The following KRT34 variants were observed in gnomAD, a reference collection of about 807,000 sequenced individuals.
KRT34 encodes keratin 34.
In KRT34, 31 loss-of-function variants were observed where a neutral mutation model predicts 41.7. The observed-to-expected ratio is 0.74, with a 90% CI of 0.56 to 1.00. The LOEUF is 1.00. KRT34 is among the 50% of genes least tolerant of loss of function. KRT34 has a pLI of 0.00. For missense variants in KRT34, 523 were observed against 500.3 expected, an observed-to-expected ratio of 1.05 and a Z score of -0.43; for synonymous variants, 224 against 212.9, an observed-to-expected ratio of 1.05 and a Z score of -0.45.
Position 41,381,143 on chromosome 17 carries a change from A to G in KRT34, c.501T>C (p.Asp167=), listed in dbSNP as rs7224292. The change falls in exon 3 of 7, where the codon GAT becomes GAC. Residue 167 remains aspartate, a synonymous_variant. Transcript: ENST00000394001. ...SDINSIRRIL[D]ELTLCKSDLE... is the part of the protein sequence containing the mutation. ...GGTCAGACTTGCAGAGGGTCAGCTC[A>G]TCCAGGATCCTGCGTATGCTGTTGA... 907 of 1,614,094 alleles carry G rather than the reference A, an allele frequency of 5.6e-4. 3 individuals are homozygous for G. In the African/African-American group the frequency reaches 0.011, roughly 20 times the overall value.
Position 41,381,195 on chromosome 17 carries a change from G to T in KRT34, c.449C>A (p.Ser150Tyr). 1 of 1,614,178 alleles carries T rather than the reference G, an allele frequency of 6.2e-7. No individual in the cohort carries two copies. The highest frequency in any genetic ancestry group is 1.3e-5 in the African/African-American group (1 of 75,044). The change falls in exon 3 of 7, where the codon TCC becomes TAC. Residue 150 changes from serine to tyrosine, a missense_variant. By Grantham distance (144) the Ser-to-Tyr change is moderately radical. Transcript: ENST00000394001. ...GTCCGACTCCACCAACAGCCTCAGG[G>T]ACTGCTCCGTCTGGTACCTGCACGT... ...DFRSKYQTEQ[S>Y]LRLLVESDIN...
upstream of KRT34, among the ~76,000 whole-genome samples, chr17:41,383,263 C>T (rs112752085): frequency 6.6e-6 from 1 of 152,126 alleles, no homozygotes; most frequent in Admixed American, 6.5e-5. Context: ...GTGATCCGCC[C>T]GCCTCGGCCT....
At chr17:41,381,397 GAGGAGCCCAC>G (rs2017982136) in intron 2 of KRT34, among the ~76,000 whole-genome samples, 185 bp from the exon 3 acceptor site, 2 of 152,134 alleles carry the variant, frequency 1.3e-5, no homozygotes, top group African/African-American at 4.8e-5. Context: ...CTAACACCAC[GAGGAGCCCAC>G]AGGCACACAT....
Position 41,379,056 on chromosome 17 carries a change from C to T in KRT34, c.997G>A (p.Glu333Lys), listed in dbSNP as rs546536544. 3 of 1,614,256 alleles carry T rather than the reference C, an allele frequency of 1.9e-6. No homozygotes were observed. The highest frequency in any genetic ancestry group is 4.5e-5 in the East Asian group (2 of 44,886). ...ACCTGGTACTCCTGGTTCTGCCGCT[C>T]CAGGTCACAGCGGATCTCTGCCAGC... ...SQLAEIRCDL[E>K]RQNQEYQVLL... Residue 333 changes from glutamate to lysine, a missense_variant, in exon 6 of 7, where the codon GAG becomes AAG. Glu to Lys is a moderately conservative substitution (Grantham distance 56). Coordinates refer to ENST00000394001, the MANE Select transcript of KRT34 (RefSeq NM_001386014.1).
rs1459259862 is a variant in KRT34 at position 41,377,990 on chromosome 17, G to C, written c.*69C>G. On this transcript the variant is annotated 3_prime_UTR_variant, in exon 7 of 7. Coordinates refer to ENST00000394001, the MANE Select transcript of KRT34 (RefSeq NM_001386014.1). ...GTCAGCTGAGCTCCAGAAAAGTCAGGACTTGAGGATCCTTCCTGTGGTTGA... is the reference window on the plus strand; with the variant it reads ...GTCAGCTGAGCTCCAGAAAAGTCAGCACTTGAGGATCCTTCCTGTGGTTGA... 1 of 1,166,456 alleles carries C rather than the reference G, an allele frequency of 8.6e-7. No individual in the cohort carries two copies. The highest frequency in any genetic ancestry group is 1.5e-5 in the African/African-American group (1 of 67,314). The allele number at this position is 1,166,456 out of a possible 1,614,324, so 72.3% of individuals were successfully genotyped here.
chr17:41,377,790 A>G lies in KRT34; in HGVS notation c.*269T>C. 1 of 444,128 alleles carries G rather than the reference A, an allele frequency of 2.3e-6. No homozygotes were observed. The highest frequency in any genetic ancestry group is 1.9e-5 in the African/African-American group (1 of 52,398). The allele number at this position is 444,128 out of a possible 1,614,324, so 27.5% of individuals were successfully genotyped here. ...AGTACGTTCAGGAAACACCTTAAGT[A>G]GTAACTGGAGCTCAGATTACAGGGA... On this transcript the variant is annotated 3_prime_UTR_variant, in exon 7 of 7. Transcript: ENST00000394001.
intron 6 of KRT34, among the ~76,000 whole-genome samples, chr17:41,378,438 C>T (rs1379450553): frequency 6.6e-6 from 1 of 152,184 alleles, no homozygotes; most frequent in Non-Finnish European, 1.5e-5. Flanking sequence ...CACAGGCATG[C>T]GTCACCATGC....
chr17:41,382,365 T>C (rs755912939), upstream of KRT34: 5 of 1,609,846 alleles, frequency 3.1e-6, no homozygotes, highest in East Asian at 1.1e-4. Context: ...GGGCTTGGCA[T>C]ACAGCATAGT....
Position 41,379,592 on chromosome 17 carries a change from A to C in KRT34, c.728T>G (p.Val243Gly), listed in dbSNP as rs755052687. 2 of 1,614,008 alleles carry C rather than the reference A, an allele frequency of 1.2e-6. No individual in the cohort carries two copies. Among genetic ancestry groups the C allele is most frequent in the Non-Finnish European group, 1.7e-6 (2 of 1,179,948 alleles). Residue 243 changes from valine to glycine, a missense_variant, in exon 4 of 7, where the codon GTG (valine) becomes GGG (glycine). By Grantham distance (109) the Val-to-Gly change is moderately radical. Coordinates refer to ENST00000394001, the MANE Select transcript of KRT34 (RefSeq NM_001386014.1). Reference sequence around the variant, plus strand: ...CACCTGCGTGGCGAACCATTGCTCCACTTCCCTGCGGTTAATTTCCACCAG... The same window carrying C: ...CACCTGCGTGGCGAACCATTGCTCCCCTTCCCTGCGGTTAATTTCCACCAG... ...EALVEINRRE[V>G]EQWFATQTEE...
intron 3 of KRT34, 143 bp from the exon 4 acceptor site, chr17:41,379,874 C>G (rs1427481454): frequency 1.1e-6 from 1 of 869,704 alleles, no homozygotes; most frequent in Non-Finnish European, 1.7e-6. Flanking sequence ...CATTTTATAG[C>G]AATAAACTCC....
At chr17:41,382,349 G>A, upstream of KRT34, 1 of 1,612,294 alleles carries the variant, frequency 6.2e-7, no homozygotes, top group Non-Finnish European at 8.5e-7. Context: ...CATTAATTGT[G>A]GGTGGGGGCT....
In KRT34 at chr17:41,381,731, G is replaced by T. The variant is rs758293346; in HGVS notation, c.413C>A (p.Ser138Tyr). The change falls in exon 2 of 7, where the codon TCT becomes TAT. Residue 138 changes from serine (S) to tyrosine (Y), a missense_variant. Transcript: ENST00000394001. ...VVNIDNAKLASDDFRSKYQTE... is the reference protein window; with the variant it reads ...VVNIDNAKLAYDDFRSKYQTE... ...AACATACTTGCTTCTGAAGTCGTCA[G>T]AGGCCAGCTTGGCATTGTCAATGTT... is the stretch of plus-strand genomic sequence containing the variant. 3 of 1,614,218 alleles carry T rather than the reference G, an allele frequency of 1.9e-6. No individual in the cohort carries two copies. The highest frequency in any genetic ancestry group is 2.5e-6 in the Non-Finnish European group (3 of 1,180,024).
chr17:41,380,203 G>A (rs188782376), intron 3 of KRT34, among the ~76,000 whole-genome samples: 10 of 151,742 alleles, frequency 6.6e-5, no homozygotes, highest in Admixed American at 6.6e-4. Context: ...ATGTTACAGT[G>A]AGCCTAGATC....
intron 1 of KRT34, 49 bp downstream of exon 1, chr17:41,381,850 T>C: frequency 6.2e-7 from 1 of 1,613,360 alleles, no homozygotes; most frequent in African/African-American, 1.3e-5. Flanking sequence ...GTCTTACTGT[T>C]CAAAGAGAGC....
chr17:41,379,282 C>T (rs2017919968), intron 5 of KRT34, 71 bp downstream of exon 5: 1 of 1,610,562 alleles, frequency 6.2e-7, no homozygotes, highest in Non-Finnish European at 8.5e-7. Flanking sequence ...GAGTGTGTGG[C>T]CCCAAGCACA....
intron 6 of KRT34, 36 bp from the exon 7 acceptor site, chr17:41,378,182 G>T (rs1300360272): frequency 6.9e-7 from 1 of 1,458,550 alleles, no homozygotes; most frequent in Non-Finnish European, 9.6e-7. Flanking sequence ...GGCTTTAGGA[G>T]GAGGTTTTAA....
Position 41,380,409 on chromosome 17 carries a change from C to T in KRT34, c.588+647G>A, listed in dbSNP as rs531477905. Among the ~76,000 whole-genome samples, 8 of 152,370 alleles carry T rather than the reference C, an allele frequency of 5.3e-5. No individual in the cohort carries two copies. In the East Asian group the frequency reaches 1.3e-3, roughly 26 times the overall value. ...CTTCTACAAGACTAAGTCTAAACTC[C>T]TTGGCATATGCAAGTCCTTCCTCGC... On this transcript the variant is annotated intron_variant, in intron 3 of 6. Transcript: ENST00000394001.
chr17:41,381,899 C>A lies in KRT34; in HGVS notation c.348G>T (p.Lys116Asn), dbSNP rs769559689. Reference sequence around the variant, plus strand: ...CCCCCCATATGGCCAACCCCCTCACCTTCTGCTGGAGCTCCTCAATGGTCT... The same window carrying A: ...CCCCCCATATGGCCAACCCCCTCACATTCTGCTGGAGCTCCTCAATGGTCT... ...YFKTIEELQQ[K>N]ILCAKAENAR... The change falls in exon 1 of 7, where the codon AAG becomes AAT. Residue 116 changes from lysine (K) to asparagine (N), a missense_variant and splice_region_variant. Coordinates refer to ENST00000394001, the MANE Select transcript of KRT34 (RefSeq NM_001386014.1). 6.8e-6 allele frequency: 11 copies of A among 1,613,868 alleles called. No homozygotes were observed. The highest frequency in any genetic ancestry group is 9.3e-6 in the Non-Finnish European group (11 of 1,179,710).
chr17:41,380,384 C>T (rs1017026083), intron 3 of KRT34, among the ~76,000 whole-genome samples: 3 of 152,214 alleles, frequency 2.0e-5, no homozygotes, highest in African/African-American at 7.2e-5. Context: ...AACCTCACAC[C>T]TTCTACAAGA....
Sources: gnomAD v4.1 joint callset for allele counts (sites outside exome capture counted in the v4.1 genomes callset) on GRCh38, gnomAD v4.1.1 for gene constraint, MANE v1.5 for transcripts, NCBI Gene and HGNC (gene_info 2026-07-23, HGNC 2026-07-21) for gene names.